Variants in PPP2R2B observed in about 807,000 individuals in gnomAD.
The protein encoded by PPP2R2B is serine/threonine-protein phosphatase 2A 55 kDa regulatory subunit B beta isoform.
Under a neutral mutation model 46.0 loss-of-function variants are expected in PPP2R2B, and 5 were observed. That is an observed-to-expected ratio of 0.11 (90% CI 0.06 to 0.23). The LOEUF (loss-of-function observed/expected upper bound fraction) is 0.23, where lower values mean the gene tolerates loss of function less well. Among genes scored for constraint, PPP2R2B ranks in the 10% least tolerant of loss-of-function variants. The probability of loss-of-function intolerance (pLI) is 1.00; values close to 1 mark genes in which losing one functional copy is unlikely to be tolerated. For synonymous variants in PPP2R2B, 215 were observed against 206.7 expected (o/e 1.04, Z -0.34); for missense variants, 367 against 575.0 (o/e 0.64, Z 3.70).
At chr5:146,949,266 T>A (rs1163376865) in intron 1 of PPP2R2B, among the ~76,000 whole-genome samples, 3 of 152,026 alleles carry the variant, frequency 2.0e-5, no homozygotes, top group Non-Finnish European at 4.4e-5. Context: ...ATGAGATTAA[T>A]AACCAGAACA....
At chr5:146,854,085 C>T (rs1760505250) in intron 2 of PPP2R2B, among the ~76,000 whole-genome samples, 1 of 152,068 alleles carries the variant, frequency 6.6e-6, no homozygotes, top group Admixed American at 6.6e-5. Flanking sequence ...CCGAGTACAG[C>T]ACCAGACACA....
chr5:147,045,431 T>A (rs1403032144), intron 1 of PPP2R2B, among the ~76,000 whole-genome samples: 1 of 152,178 alleles, frequency 6.6e-6, no homozygotes, highest in Non-Finnish European at 1.5e-5. Context: ...AGCAAAAGGC[T>A]ATACCATATA....
chr5:147,059,332 A>G (rs182127056), upstream of PPP2R2B, among the ~76,000 whole-genome samples: 3 of 152,334 alleles, frequency 2.0e-5, no homozygotes, highest in East Asian at 5.8e-4. Context: ...AAAAATGAAA[A>G]GAAACACCTC....
At chr5:146,726,932 C>T (rs1751906414) in intron 2 of PPP2R2B, among the ~76,000 whole-genome samples, 1 of 152,132 alleles carries the variant, frequency 6.6e-6, no homozygotes. Context: ...AACTAGGATA[C>T]ACATTATGGT....
chr5:146,856,790 G>T (rs1760698547), intron 2 of PPP2R2B, among the ~76,000 whole-genome samples: 2 of 152,136 alleles, frequency 1.3e-5, no homozygotes, highest in African/African-American at 4.8e-5. Context: ...TCGACCTGAA[G>T]TGGACTGCCT....
At chr5:146,908,678 GA>G (rs1266029813) in intron 1 of PPP2R2B, among the ~76,000 whole-genome samples, 1 of 152,028 alleles carries the variant, frequency 6.6e-6, no homozygotes, top group African/African-American at 2.4e-5. Flanking sequence ...AGAGTGTTGA[GA>G]AACTTCCCAA....
chr5:146,837,350 G>A (rs1759349467), intron 2 of PPP2R2B, among the ~76,000 whole-genome samples: 1 of 152,220 alleles, frequency 6.6e-6, no homozygotes, highest in African/African-American at 2.4e-5. Context: ...AAGATTACGT[G>A]TATTAAATGC....
At chr5:146,883,687 T>C (rs929470900), upstream of PPP2R2B, among the ~76,000 whole-genome samples, 1 of 152,248 alleles carries the variant, frequency 6.6e-6, no homozygotes, top group African/African-American at 2.4e-5. Context: ...GTTTACGTGC[T>C]GTCTAGAGAA....
rs560562484 is a variant in PPP2R2B, at chr5:146,941,113, G to T, written c.79+114552C>A. Among the ~76,000 whole-genome samples the T allele has an allele frequency of 1.5e-4, 23 of 152,222 alleles. No homozygotes were observed. In the East Asian group the frequency reaches 4.2e-3, roughly 28 times the overall value. On this transcript the variant is annotated intron_variant, in intron 1 of 8. Coordinates refer to the PPP2R2B transcript ENST00000336640. Reference sequence around the variant, plus strand: ...AGATTACCAAAGGCCATTTTAGAAAGAAAATGATTATGAGGCTACATGAAA... The same window carrying T: ...AGATTACCAAAGGCCATTTTAGAAATAAAATGATTATGAGGCTACATGAAA...
intron 4 of PPP2R2B, among the ~76,000 whole-genome samples, chr5:146,697,084 C>G (rs2151161588): frequency 6.6e-6 from 1 of 152,060 alleles, no homozygotes; most frequent in South Asian, 2.1e-4. Flanking sequence ...TTTTTAAATC[C>G]CTTGCTTCTT....
At chr5:146,828,432 T>G (rs908572886) in intron 2 of PPP2R2B, among the ~76,000 whole-genome samples, 2 of 152,212 alleles carry the variant, frequency 1.3e-5, no homozygotes, top group Non-Finnish European at 2.9e-5. Flanking sequence ...TCCTTATTTA[T>G]AGACAGCTTA....
chr5:146,618,766 G>A lies in PPP2R2B; in HGVS notation c.791-18306C>T, dbSNP rs564644758. Among the ~76,000 whole-genome samples, 12 of 152,302 alleles carry A rather than the reference G, an allele frequency of 7.9e-5. 1 individual carries two copies. The South Asian group carries it at 2.5e-3, about 32-fold the overall frequency. ...ACTCTTTCCTCCCAGCATTCCTGAT[G>A]CTGGTGCTGTACACCCATAAGCCGA... On this transcript the variant is annotated intron_variant, in intron 7 of 9. Coordinates refer to ENST00000394411, the MANE Select transcript of PPP2R2B (RefSeq NM_181675.4).
chr5:146,593,391 AACAAATATTT>A (rs749560518), intron 8 of PPP2R2B, among the ~76,000 whole-genome samples: 1 of 152,220 alleles, frequency 6.6e-6, no homozygotes, highest in Non-Finnish European at 1.5e-5. Flanking sequence ...TCTTTTATTC[AACAAATATTT>A]ACTGAATACC....
intron 1 of PPP2R2B, among the ~76,000 whole-genome samples, chr5:147,014,650 A>T (rs1024690513): frequency 6.7e-6 from 1 of 149,062 alleles, no homozygotes; most frequent in African/African-American, 2.5e-5. Flanking sequence ...AAAACCAAAC[A>T]CCGCATATTC....
chr5:146,881,411 A>C (rs912764909), upstream of PPP2R2B, among the ~76,000 whole-genome samples: 4 of 144,808 alleles, frequency 2.8e-5, no homozygotes, highest in African/African-American at 1.0e-4. Context: ...TTCTTTTTTT[A>C]TTTTATTTAT....
intron 2 of PPP2R2B, among the ~76,000 whole-genome samples, chr5:146,876,902 C>G (rs1761928536): frequency 6.6e-6 from 1 of 152,156 alleles, no homozygotes; most frequent in South Asian, 2.1e-4. Context: ...TTTACTCCCC[C>G]CATCACATTT....
chr5:146,652,292 G>C (rs746975485), intron 5 of PPP2R2B, among the ~76,000 whole-genome samples: 2 of 152,064 alleles, frequency 1.3e-5, no homozygotes, highest in African/African-American at 2.4e-5. Flanking sequence ...TATCGCAAAG[G>C]GTGGTTTGGG....
At chr5:146,855,996 C>T (rs975380919) in intron 2 of PPP2R2B, among the ~76,000 whole-genome samples, 15 of 152,134 alleles carry the variant, frequency 9.9e-5, no homozygotes, top group African/African-American at 3.4e-4. Context: ...TTGGAAATTA[C>T]CTGTTCAGTG....
intron 5 of PPP2R2B, among the ~76,000 whole-genome samples, chr5:146,662,738 G>A (rs1776744935): frequency 6.6e-6 from 1 of 151,918 alleles, no homozygotes; most frequent in African/African-American, 2.4e-5. Context: ...TAAAAATTCT[G>A]ATTATTTTTA....
Sources: allele counts gnomAD v4.1 joint callset (sites outside exome capture counted in the v4.1 genomes callset), GRCh38; gene constraint gnomAD v4.1.1; transcripts MANE v1.5; gene names NCBI Gene and HGNC (gene_info 2026-07-23, HGNC 2026-07-21).